Variants in SYNE1 observed in about 807,000 individuals in gnomAD.
SYNE1 encodes the protein spectrin repeat containing nuclear envelope protein 1.
Under a neutral mutation model 1,111.0 loss-of-function variants are expected in SYNE1, and 616 were observed. The ratio of observed to expected loss-of-function variants is 0.55; its 90% confidence interval spans 0.52 to 0.59. SYNE1 has a LOEUF of 0.59. Ranked by LOEUF, SYNE1 falls within the 20% of genes least tolerant of loss-of-function variation. The probability of loss-of-function intolerance (pLI) is 0.00; values close to 1 mark genes in which losing one functional copy is unlikely to be tolerated. For synonymous variants in SYNE1, 3,855 were observed against 3,825.8 expected, an observed-to-expected ratio of 1.01 and a Z score of -0.28; for missense variants, 10,006 against 10,417.0, an observed-to-expected ratio of 0.96 and a Z score of 1.72.
chr6:152,571,630 A>G (rs1481820316), intron 3 of SYNE1, among the ~76,000 whole-genome samples: 3 of 152,178 alleles, frequency 2.0e-5, no homozygotes, highest in Non-Finnish European at 4.4e-5. Flanking sequence ...AAATGGTGTG[A>G]TTTAACCCAA....
Position 152,136,696 on chromosome 6 carries a change from C to T in SYNE1, c.25581G>A (p.Met8527Ile). Residue 8527 changes from methionine to isoleucine, a missense_variant, in exon 141 of 146, where the codon ATG becomes ATA. Physicochemically the swap from Met to Ile is conservative, Grantham distance 10. Coordinates refer to ENST00000367255, the MANE Select transcript of SYNE1 (RefSeq NM_182961.4). ...AGCACACTCGGTCCCAGCGCCCATT[C>T]ATCTGCGACAAGCGATCCTGCAGGT... ...SRDLQDRLSQ[M>I]NGRWDRVCSL... is the part of the protein sequence containing the mutation. 1 of 1,614,256 alleles carries T rather than the reference C, an allele frequency of 6.2e-7. No individual in the cohort carries two copies. Among genetic ancestry groups the T allele is most frequent in the Non-Finnish European group, 8.5e-7 (1 of 1,180,050 alleles).
intron 8 of SYNE1, among the ~76,000 whole-genome samples, chr6:152,506,032 A>G (rs1302543715): frequency 6.6e-6 from 1 of 152,236 alleles, no homozygotes; most frequent in East Asian, 1.9e-4. Context: ...CTCCACCAAT[A>G]AAATTGTTTT....
intron 125 of SYNE1, among the ~76,000 whole-genome samples, chr6:152,207,395 G>A (rs564532979): frequency 9.9e-5 from 15 of 152,226 alleles, no homozygotes; most frequent in African/African-American, 3.6e-4. Context: ...TGCTGGCAGG[G>A]GGCAGTTGAA....
At chr6:152,192,697 C>T (rs2072876917) in intron 127 of SYNE1, among the ~76,000 whole-genome samples, 1 of 151,714 alleles carries the variant, frequency 6.6e-6, no homozygotes, top group African/African-American at 2.4e-5. Context: ...TGTTCTCAAA[C>T]ATATAAATAT....
At chr6:152,608,414 A>G (rs1038196979) in intron 3 of SYNE1, among the ~76,000 whole-genome samples, 1 of 152,342 alleles carries the variant, frequency 6.6e-6, no homozygotes, top group East Asian at 1.9e-4. Flanking sequence ...ATAATTTTAT[A>G]TAAATTAAGC....
Position 152,484,963 on chromosome 6 carries a change from G to C in SYNE1, c.1057C>G (p.His353Asp). ...NLQDKYQSFK[H>D]FRVQYEMKRK... ...TTCATTTCATATTGAACTCTGAAGTGCTTAAATGACTAAAAGAGGAAAAAC... is the reference window on the plus strand; with the variant it reads ...TTCATTTCATATTGAACTCTGAAGTCCTTAAATGACTAAAAGAGGAAAAAC... The change falls in exon 13 of 146, where the codon CAC becomes GAC. Residue 353 changes from histidine to aspartate, a missense_variant. His to Asp is a moderately conservative substitution (Grantham distance 81). Coordinates refer to ENST00000367255, the MANE Select transcript of SYNE1 (RefSeq NM_182961.4). 1 of 1,611,766 alleles carries C rather than the reference G, an allele frequency of 6.2e-7. No individual in the cohort carries two copies. The highest frequency in any genetic ancestry group is 1.1e-5 in the South Asian group (1 of 90,888).
At chr6:152,229,460 C>T (rs1403483480) in intron 115 of SYNE1, among the ~76,000 whole-genome samples, 1 of 152,134 alleles carries the variant, frequency 6.6e-6, no homozygotes, top group African/African-American at 2.4e-5. Context: ...AGAACAAGCA[C>T]ACTCTGTGTA....
At chr6:152,461,284 C>T (rs1213606359) in intron 21 of SYNE1, among the ~76,000 whole-genome samples, 1 of 152,110 alleles carries the variant, frequency 6.6e-6, no homozygotes, top group Admixed American at 6.6e-5. Flanking sequence ...CTTCCTCCTC[C>T]TCATCTCCTT....
In SYNE1 at chr6:152,195,659, C is replaced by T. The variant is rs140325716; in HGVS notation, c.23145+6165G>A. Among the ~76,000 whole-genome samples, 986 of 152,296 alleles carry T rather than the reference C, an allele frequency of 6.5e-3. 11 individuals are homozygous for T. The highest frequency in any genetic ancestry group is 0.022 in the African/African-American group (929 of 41,562). ...TCCTTATTTTCTCCCAAACAAACAGCGTCTCTTTCTCTGTGCTGAGTTCCC... is the reference window on the plus strand; with the variant it reads ...TCCTTATTTTCTCCCAAACAAACAGTGTCTCTTTCTCTGTGCTGAGTTCCC... On this transcript the variant is annotated intron_variant, in intron 127 of 145. Transcript: ENST00000367255.
chr6:152,455,303 CT>C, intron 24 of SYNE1, 122 bp downstream of exon 24: 1 of 1,073,922 alleles, frequency 9.3e-7, no homozygotes, highest in Non-Finnish European at 1.3e-6. Flanking sequence ...TAAAAAGTCT[CT>C]GCTTCCCTGA....
intron 2 of SYNE1, among the ~76,000 whole-genome samples, chr6:152,631,220 T>C (rs539516118): frequency 1.3e-5 from 2 of 152,296 alleles, no homozygotes; most frequent in African/African-American, 4.8e-5. Flanking sequence ...GAGCTGAGTC[T>C]TGGTAAATGG....
At chr6:152,231,033 C>T (rs950392260) in intron 114 of SYNE1, among the ~76,000 whole-genome samples, 2 of 152,070 alleles carry the variant, frequency 1.3e-5, no homozygotes, top group African/African-American at 2.4e-5. Context: ...TCCTGGGCCG[C>T]ATGCAGCCCG....
Position 152,234,724 on chromosome 6 carries a change from A to T in SYNE1, c.20473T>A (p.Ser6825Thr). Residue 6825 changes from serine (S) to threonine (T), a missense_variant, in exon 111 of 146, where the codon TCT (serine) becomes ACT (threonine). Around this residue, in one of 7 missense-constraint regions of SYNE1, gnomAD observed 2,182 missense variants for 2,287.8 expected, o/e 0.95. Transcript: ENST00000367255. ...TCCAGCTCTTGTGGGACTGTCACAG[A>T]TTGCTGAGTCCAAAATTCTAGCCGG... The part of the protein sequence containing the change: ...KDRLEFWTQQ[S>T]VTVPQELEMV... 2.5e-6 allele frequency: 4 copies of T among 1,614,184 alleles called. No homozygotes were observed. Among genetic ancestry groups the T allele is most frequent in the Non-Finnish European group, 3.4e-6 (4 of 1,180,032 alleles).
intron 75 of SYNE1, among the ~76,000 whole-genome samples, chr6:152,337,955 C>G (rs1393228671): frequency 1.3e-5 from 2 of 152,040 alleles, no homozygotes; most frequent in African/African-American, 4.8e-5. Context: ...CGAGACCCAC[C>G]TGGGCAACAC....
chr6:152,123,645 GTTT>G (rs2052257604), intron 145 of SYNE1, among the ~76,000 whole-genome samples: 1 of 152,138 alleles, frequency 6.6e-6, no homozygotes, highest in African/African-American at 2.4e-5. Flanking sequence ...AAGAAATGTT[GTTT>G]ACGACAGGCA....
chr6:152,624,944 GC>G (rs2099682888), intron 3 of SYNE1, among the ~76,000 whole-genome samples: 7 of 80,690 alleles, frequency 8.7e-5, no homozygotes, highest in African/African-American at 3.2e-4. Flanking sequence ...AAAGCTGCAT[GC>G]TCTTTATTAG....
intron 91 of SYNE1, among the ~76,000 whole-genome samples, chr6:152,304,880 A>G (rs560546306): frequency 5.3e-4 from 80 of 152,326 alleles, no homozygotes; most frequent in South Asian, 2.1e-3. Context: ...TCTGCACTTC[A>G]TAATTAGCCC....
At chr6:152,556,706 C>T (rs954600880) in intron 3 of SYNE1, among the ~76,000 whole-genome samples, 22 of 152,164 alleles carry the variant, frequency 1.4e-4, no homozygotes, top group Admixed American at 7.9e-4. Flanking sequence ...TGTCCCCTGA[C>T]GAAAACATCA....
intron 15 of SYNE1, 114 bp from the exon 16 acceptor site, chr6:152,471,879 C>T (rs1347464636): frequency 3.8e-6 from 4 of 1,062,224 alleles, no homozygotes; most frequent in Middle Eastern, 3.0e-4. Context: ...GCTCTTCTAA[C>T]TCTGGCTGAT....
Sources: gnomAD v4.1 joint callset for allele counts (sites outside exome capture counted in the v4.1 genomes callset) on GRCh38, gnomAD v4.1.1 for gene constraint, gnomAD v4.1.1 regional missense constraint, MANE v1.5 for transcripts, NCBI Gene and HGNC (gene_info 2026-07-23, HGNC 2026-07-21) for gene names.